MYT1L: variants seen among roughly 807,000 people sequenced by gnomAD.
MYT1L encodes myelin transcription factor 1-like protein.
MYT1L carries 12 observed loss-of-function variants against 126.7 expected under a neutral mutation model. That is an observed-to-expected ratio of 0.09 (90% CI 0.06 to 0.15). MYT1L has a LOEUF of 0.15. Among genes scored for constraint, MYT1L ranks in the 10% least tolerant of loss-of-function variants. The pLI, the probability that MYT1L is intolerant of heterozygous loss-of-function variation, is 1.00. For missense variants in MYT1L, 979 were observed against 1,585.2 expected (o/e 0.62, Z 6.49); for synonymous variants, 541 against 604.2 (o/e 0.90, Z 1.53).
At chr2:1,939,731 A>G (rs938873823) in intron 9 of MYT1L, among the ~76,000 whole-genome samples, 2 of 152,220 alleles carry the variant, frequency 1.3e-5, no homozygotes, top group African/African-American at 4.8e-5. Context: ...TTCCTTTGAT[A>G]TAGAAGCTGC....
At chr2:2,106,260 T>G (rs1257997649) in intron 3 of MYT1L, among the ~76,000 whole-genome samples, 2 of 152,236 alleles carry the variant, frequency 1.3e-5, no homozygotes, top group Non-Finnish European at 2.9e-5. Flanking sequence ...TTGGTTGCAT[T>G]CTTTTCTTTA....
intron 3 of MYT1L, among the ~76,000 whole-genome samples, chr2:2,071,123 C>A (rs1046883690): frequency 2.6e-5 from 4 of 151,930 alleles, no homozygotes; most frequent in Non-Finnish European, 5.9e-5. Flanking sequence ...CTGATTTATA[C>A]CATGGAAATA....
intron 2 of MYT1L, among the ~76,000 whole-genome samples, chr2:2,234,307 A>T: frequency 6.6e-6 from 1 of 152,326 alleles, no homozygotes; most frequent in South Asian, 2.1e-4. Context: ...TCTGAAGATC[A>T]TAAAAAAGAA....
At chr2:2,138,906 G>T (rs2083494693) in intron 3 of MYT1L, among the ~76,000 whole-genome samples, 1 of 151,536 alleles carries the variant, frequency 6.6e-6, no homozygotes, top group Admixed American at 6.6e-5. Flanking sequence ...TTCCCGCCTG[G>T]GCCGCAGTAA....
intron 3 of MYT1L, among the ~76,000 whole-genome samples, chr2:2,057,089 G>A (rs549396709): frequency 1.3e-5 from 2 of 152,234 alleles, no homozygotes; most frequent in African/African-American, 4.8e-5. Context: ...TCCTCCCACC[G>A]ATGTCCAGAT....
intron 3 of MYT1L, among the ~76,000 whole-genome samples, chr2:2,069,189 A>C (rs1269295953): frequency 6.6e-6 from 1 of 152,088 alleles, no homozygotes; most frequent in Admixed American, 6.5e-5. Flanking sequence ...CGTCATTGAC[A>C]TTAGGTATTT....
At chr2:2,276,145 C>A (rs1302451019) in intron 2 of MYT1L, among the ~76,000 whole-genome samples, 1 of 152,162 alleles carries the variant, frequency 6.6e-6, no homozygotes, top group Non-Finnish European at 1.5e-5. Flanking sequence ...TGAAGTCAAA[C>A]AATGTTACAG....
chr2:1,918,374 A>G (rs2053139929), intron 10 of MYT1L, among the ~76,000 whole-genome samples: 1 of 152,214 alleles, frequency 6.6e-6, no homozygotes, highest in Non-Finnish European at 1.5e-5. Context: ...TCAGATCACC[A>G]ACAGATAGCG....
At chr2:1,864,052 C>T (rs1169569777) in intron 18 of MYT1L, among the ~76,000 whole-genome samples, 1 of 152,184 alleles carries the variant, frequency 6.6e-6, no homozygotes, top group Non-Finnish European at 1.5e-5. Flanking sequence ...CCTTCATGCC[C>T]CCCAGGGCTG....
At chr2:2,290,754 CAG>C (rs1165449336) in intron 1 of MYT1L, among the ~76,000 whole-genome samples, 8 of 152,192 alleles carry the variant, frequency 5.3e-5, no homozygotes, top group African/African-American at 1.9e-4. Flanking sequence ...CCCCTGCCTG[CAG>C]AGACACTGAT....
intron 18 of MYT1L, among the ~76,000 whole-genome samples, chr2:1,861,458 G>C (rs1020206076): frequency 6.6e-6 from 1 of 151,426 alleles, no homozygotes; most frequent in Admixed American, 6.6e-5. Context: ...CTTTACATTC[G>C]TGTTATTTTT....
intron 3 of MYT1L, among the ~76,000 whole-genome samples, chr2:2,091,191 T>C (rs139467543): frequency 9.2e-5 from 14 of 152,328 alleles, no homozygotes; most frequent in Non-Finnish European, 1.5e-4. Context: ...GCACTTATTG[T>C]CTTCAAAATG....
chr2:2,311,074 C>T (rs1283707322), intron 1 of MYT1L, among the ~76,000 whole-genome samples: 1 of 152,220 alleles, frequency 6.6e-6, no homozygotes, highest in Admixed American at 6.5e-5. Context: ...TCCCCACACC[C>T]CAAGGTCTCA....
In MYT1L at chr2:1,809,181, A is replaced by G. The variant is rs765817004; in HGVS notation, c.3081-14T>C. On this transcript the variant is annotated splice_polypyrimidine_tract_variant and intron_variant, in intron 21 of 24. Transcript: ENST00000647738. ...CATCCTGACAAGCTGTGGACAAGAC[A>G]CAGGACGGCCATTAGTCAACTGTCT... is the stretch of plus-strand genomic sequence containing the variant. The G allele has an allele frequency of 2.5e-6, 4 of 1,613,154 alleles. No individual in the cohort carries two copies. In the Admixed American group the frequency reaches 6.7e-5, roughly 27 times the overall value.
At chr2:2,249,551 T>G (rs1403400306) in intron 2 of MYT1L, among the ~76,000 whole-genome samples, 1 of 152,076 alleles carries the variant, frequency 6.6e-6, no homozygotes, top group Non-Finnish European at 1.5e-5. Flanking sequence ...GGCTTAAATG[T>G]AAGACCTCAA....
Position 2,217,685 on chromosome 2 carries a change from C to CAAAAAAAAAAAAAAAAAAAA in MYT1L, c.-420-44698_-420-44697insTTTTTTTTTTTTTTTTTTTT, listed in dbSNP as rs1167910803. Among the ~76,000 whole-genome samples the CAAAAAAAAAAAAAAAAAAAA allele has an allele frequency of 7.5e-5, 6 of 79,632 alleles. 2 individuals carry two copies. The highest frequency in any genetic ancestry group is 1.2e-4 in the Non-Finnish European group (5 of 41,122). The allele number at this position is 79,632 out of a possible 152,430, so 52.2% of individuals were successfully genotyped here. Reference sequence around the variant, plus strand: ...AACTCCATCTCAACAACAACAACAACAACAACAACAACAACAACAACAAAA... The same window carrying CAAAAAAAAAAAAAAAAAAAA: ...AACTCCATCTCAACAACAACAACAACAAAAAAAAAAAAAAAAAAAAAACAACAACAACAACAACAACAAAA... On this transcript the variant is annotated intron_variant, in intron 2 of 24. Transcript: ENST00000647738.
At chr2:1,825,136 C>T (rs72765568) in intron 21 of MYT1L, 2,530 of 152,362 alleles carry the variant, frequency 0.017, 31 homozygotes, top group Middle Eastern at 0.041. Flanking sequence ...ACCTCAGACA[C>T]GCCACTCCCC....
intron 2 of MYT1L, among the ~76,000 whole-genome samples, chr2:2,236,156 T>TCCCAA (rs2094295953): frequency 3.9e-4 from 17 of 43,652 alleles, no homozygotes; most frequent in East Asian, 8.8e-4. Context: ...GTACATCCCA[T>TCCCAA]CCTAACCCAG....
At chr2:2,213,241 G>A (rs995939033) in intron 2 of MYT1L, among the ~76,000 whole-genome samples, 15 of 152,186 alleles carry the variant, frequency 9.9e-5, no homozygotes, top group African/African-American at 2.9e-4. Flanking sequence ...GCTTGTCCTG[G>A]TTTATTGCCT....
Sources: gnomAD v4.1 joint callset for allele counts (sites outside exome capture counted in the v4.1 genomes callset) on GRCh38, gnomAD v4.1.1 for gene constraint, MANE v1.5 for transcripts, NCBI Gene and HGNC (gene_info 2026-07-23, HGNC 2026-07-21) for gene names.